Variants in SPATA6 observed in about 807,000 individuals in gnomAD.
SPATA6 encodes the protein spermatogenesis associated 6.
SPATA6 carries 56 observed loss-of-function variants against 65.3 expected under a neutral mutation model. That is an observed-to-expected ratio of 0.86 (90% confidence interval 0.69 to 1.07). The LOEUF is 1.07. Ranked by LOEUF, SPATA6 falls within the 50% of genes least tolerant of loss-of-function variation. SPATA6 has a pLI of 0.00. For missense variants in SPATA6, 590 were observed against 594.8 expected (o/e 0.99, Z 0.08); for synonymous variants, 199 against 213.2 (o/e 0.93, Z 0.58).
chr1:48,348,570 A>G (rs924924757), intron 11 of SPATA6, among the ~76,000 whole-genome samples: 4 of 151,600 alleles, frequency 2.6e-5, no homozygotes, highest in South Asian at 2.1e-4. Context: ...TACTTTCCCT[A>G]CCCCAGCCCC....
the SPATA6 span, among the ~76,000 whole-genome samples, chr1:48,289,664 T>C: frequency 1.3e-4 from 20 of 152,330 alleles, 1 homozygote; most frequent in South Asian, 1.9e-3. Flanking sequence ...AATGACCTGA[T>C]GGAGCTGAAA....
chr1:48,363,709 T>G (rs959100227), intron 9 of SPATA6, among the ~76,000 whole-genome samples: 4 of 151,962 alleles, frequency 2.6e-5, no homozygotes, highest in African/African-American at 9.7e-5. Context: ...AAAAAATAAC[T>G]AATATTTTTA....
At chr1:48,408,158 T>C (rs996413822) in intron 5 of SPATA6, among the ~76,000 whole-genome samples, 3 of 152,238 alleles carry the variant, frequency 2.0e-5, no homozygotes, top group African/African-American at 7.2e-5. Context: ...ATCATAAATC[T>C]ATAGGAGAAA....
At chr1:48,330,593 G>A (rs1029569509) in intron 11 of SPATA6, among the ~76,000 whole-genome samples, 1 of 152,194 alleles carries the variant, frequency 6.6e-6, no homozygotes, top group African/African-American at 2.4e-5. Context: ...TATAACCCCT[G>A]CCAATCATAG....
At chr1:48,434,259 G>GAAAAAAAAAA (rs530291772) in intron 3 of SPATA6, among the ~76,000 whole-genome samples, 11 of 109,862 alleles carry the variant, frequency 1.0e-4, no homozygotes, top group African/African-American at 1.1e-4. Flanking sequence ...AGCAGTGAAA[G>GAAAAAAAAAA]AAAAAAAAAA....
chr1:48,317,967 C>A (rs530664696), intron 11 of SPATA6, among the ~76,000 whole-genome samples: 1 of 152,130 alleles, frequency 6.6e-6, no homozygotes. Context: ...CCACAACCAA[C>A]TGGGAATTAT....
At chr1:48,382,631 C>CG (rs1389343118) in intron 9 of SPATA6, among the ~76,000 whole-genome samples, 1 of 10,648 alleles carries the variant, frequency 9.4e-5, no homozygotes, top group African/African-American at 3.7e-4. Context: ...GCTGGCCGAC[C>CG]CCCCCCCCCC....
At chr1:48,431,177 G>A (rs1654369361) in intron 3 of SPATA6, among the ~76,000 whole-genome samples, 1 of 151,864 alleles carries the variant, frequency 6.6e-6, no homozygotes, top group Admixed American at 6.6e-5. Context: ...GCAAAAAAGA[G>A]CATTACATAT....
chr1:48,414,625 C>T (rs541882671), intron 3 of SPATA6, among the ~76,000 whole-genome samples: 7 of 152,190 alleles, frequency 4.6e-5, no homozygotes, highest in South Asian at 4.2e-4. Flanking sequence ...TCAGAAGCAC[C>T]GGTGAAGGTC....
At chr1:48,340,474 G>A (rs538856125) in intron 11 of SPATA6, among the ~76,000 whole-genome samples, 3 of 151,182 alleles carry the variant, frequency 2.0e-5, no homozygotes, top group African/African-American at 7.3e-5. Context: ...TAAATGGAAT[G>A]CAAATGCTCT....
chr1:48,377,985 C>G (rs1648115382), intron 9 of SPATA6, among the ~76,000 whole-genome samples: 1 of 152,274 alleles, frequency 6.6e-6, no homozygotes, highest in South Asian at 2.1e-4. Context: ...TCATCTTCCA[C>G]CATGTGAAGA....
At chr1:48,303,768 G>A (rs1368734928) in intron 12 of SPATA6, among the ~76,000 whole-genome samples, 2 of 152,052 alleles carry the variant, frequency 1.3e-5, no homozygotes, top group Non-Finnish European at 2.9e-5. Flanking sequence ...TTTCTTTTAG[G>A]TAGTATAACC....
At chr1:48,468,030 G>C (rs931224718) in intron 1 of SPATA6, among the ~76,000 whole-genome samples, 1 of 152,058 alleles carries the variant, frequency 6.6e-6, no homozygotes, top group Admixed American at 6.5e-5. Context: ...TTAAAAAATA[G>C]AACTACCATA....
chr1:48,467,132 T>C (rs72897234), intron 1 of SPATA6, among the ~76,000 whole-genome samples: 6,451 of 152,234 alleles, frequency 0.042, 387 homozygotes, highest in African/African-American at 0.13. Context: ...CAAAGACTCA[T>C]TGAGAAAAGT....
chr1:48,278,058 A>G, the SPATA6 span, among the ~76,000 whole-genome samples: 1 of 152,186 alleles, frequency 6.6e-6, no homozygotes, highest in Non-Finnish European at 1.5e-5. Flanking sequence ...CACTGCTGAT[A>G]CCCAGGCAAA....
chr1:48,445,094 T>A (rs1655887691), intron 3 of SPATA6, among the ~76,000 whole-genome samples: 1 of 152,242 alleles, frequency 6.6e-6, no homozygotes, highest in African/African-American at 2.4e-5. Flanking sequence ...CTAGAATAGG[T>A]AGCTGAAAAT....
intron 11 of SPATA6, among the ~76,000 whole-genome samples, chr1:48,311,867 C>T (rs1337472639): frequency 6.6e-6 from 1 of 152,200 alleles, no homozygotes; most frequent in Non-Finnish European, 1.5e-5. Context: ...GTCACTCCCA[C>T]CCTAATACTG....
intron 10 of SPATA6, 109 bp from the exon 11 acceptor site, chr1:48,355,878 G>GGCAT (rs1314490315): frequency 1.3e-6 from 1 of 761,688 alleles, no homozygotes; most frequent in Admixed American, 2.5e-5. Flanking sequence ...AATAAAGGTT[G>GGCAT]GCATACATTG....
chr1:48,409,874 A>T (rs1031753392), intron 5 of SPATA6, among the ~76,000 whole-genome samples: 1 of 152,038 alleles, frequency 6.6e-6, no homozygotes, highest in African/African-American at 2.4e-5. Flanking sequence ...AGCCCACAAA[A>T]CCACCTTTTC....
Sources: gnomAD v4.1 joint callset for allele counts (sites outside exome capture counted in the v4.1 genomes callset) on GRCh38, gnomAD v4.1.1 for gene constraint, MANE v1.5 for transcripts, NCBI Gene and HGNC (gene_info 2026-07-23, HGNC 2026-07-21) for gene names.